The following LRP12 variants were observed in gnomAD, a reference collection of about 807,000 sequenced individuals.
LRP12 encodes the protein low-density lipoprotein receptor-related protein 12.
Under a neutral mutation model 66.0 loss-of-function variants are expected in LRP12, and 14 were observed. That is an observed-to-expected ratio of 0.21 (90% confidence interval 0.14 to 0.33). LRP12 has a LOEUF of 0.33. LRP12 is among the 10% of genes least tolerant of loss of function. The pLI is 1.00. For missense variants in LRP12, 889 were observed against 1,053.4 expected (o/e 0.84, Z 2.16); for synonymous variants, 357 against 359.1 (o/e 0.99, Z 0.07).
intron 4 of LRP12, 45 bp downstream of exon 4, chr8:104,499,272 A>C: frequency 6.8e-7 from 1 of 1,463,106 alleles, no homozygotes; most frequent in Non-Finnish European, 9.5e-7. Context: ...AGAGCAGTTA[A>C]TACCATAAAA....
At chr8:104,508,696 G>C (rs1810944539) in intron 3 of LRP12, 1 of 337,530 alleles carries the variant, frequency 3.0e-6, no homozygotes, top group Admixed American at 4.3e-5. Flanking sequence ...TTGTTAAAAA[G>C]TAGCTTAGAA....
chr8:104,511,225 G>A (rs1810991206), intron 2 of LRP12, among the ~76,000 whole-genome samples: 1 of 151,654 alleles, frequency 6.6e-6, no homozygotes, highest in African/African-American at 2.4e-5. Context: ...TGTATTTTTA[G>A]TAGAGAAGGG....
chr8:104,533,791 C>T (rs955056323), intron 1 of LRP12, among the ~76,000 whole-genome samples: 10 of 152,014 alleles, frequency 6.6e-5, no homozygotes, highest in Non-Finnish European at 1.3e-4. Flanking sequence ...GCTGGGACTA[C>T]AGGAGTGTAC....
intron 1 of LRP12, among the ~76,000 whole-genome samples, chr8:104,574,684 C>G (rs4593510): frequency 6.6e-6 from 1 of 152,026 alleles, no homozygotes; most frequent in African/African-American, 2.4e-5. Flanking sequence ...AAATTTACAA[C>G]GGATTTTGAA....
chr8:104,508,778 T>A, intron 3 of LRP12, 161 bp downstream of exon 3: 1 of 585,588 alleles, frequency 1.7e-6, no homozygotes, highest in Non-Finnish European at 2.9e-6. Context: ...AGATGGGCTG[T>A]TACTCTTACT....
At chr8:104,527,673 G>T (rs1195783522) in intron 2 of LRP12, among the ~76,000 whole-genome samples, 2 of 151,888 alleles carry the variant, frequency 1.3e-5, no homozygotes, top group Non-Finnish European at 2.9e-5. Flanking sequence ...CACACTCTGG[G>T]GACTGTTGTG....
intron 1 of LRP12, among the ~76,000 whole-genome samples, chr8:104,580,199 T>C (rs183583171): frequency 1.1e-3 from 166 of 152,006 alleles, no homozygotes; most frequent in African/African-American, 4.0e-3. Flanking sequence ...GATTCATAAT[T>C]TGCAAAATAT....
intron 2 of LRP12, among the ~76,000 whole-genome samples, chr8:104,514,223 T>C (rs1439745040): frequency 6.6e-6 from 1 of 152,112 alleles, no homozygotes; most frequent in East Asian, 1.9e-4. Flanking sequence ...CTCTGGGTCT[T>C]CCATTTTTTC....
chr8:104,552,450 A>G (rs774289318), intron 1 of LRP12, among the ~76,000 whole-genome samples: 22 of 151,256 alleles, frequency 1.5e-4, no homozygotes, highest in African/African-American at 5.1e-4. Flanking sequence ...CGGGCAGATC[A>G]TCTGAGGTTG....
intron 1 of LRP12, among the ~76,000 whole-genome samples, chr8:104,553,614 G>A (rs1292496401): frequency 2.0e-5 from 3 of 152,092 alleles, no homozygotes; most frequent in Non-Finnish European, 4.4e-5. Flanking sequence ...TTTGAGCTCG[G>A]CCACACCTAA....
intron 1 of LRP12, among the ~76,000 whole-genome samples, chr8:104,585,369 G>GC (rs1812313706): frequency 6.6e-6 from 1 of 152,138 alleles, no homozygotes; most frequent in African/African-American, 2.4e-5. Flanking sequence ...GGGATTACAG[G>GC]CATGTACCAG....
chr8:104,517,502 T>C (rs1266380685), intron 2 of LRP12, among the ~76,000 whole-genome samples: 1 of 151,904 alleles, frequency 6.6e-6, no homozygotes, highest in Non-Finnish European at 1.5e-5. Flanking sequence ...TCCAAGTATT[T>C]TGTAAAGGTT....
chr8:104,553,410 T>A (rs557946537), intron 1 of LRP12, among the ~76,000 whole-genome samples: 99 of 152,208 alleles, frequency 6.5e-4, no homozygotes, highest in African/African-American at 2.3e-3. Flanking sequence ...AGAAGCACGG[T>A]GGGAGTGAAA....
At chr8:104,562,353 TCAAA>T (rs199530920) in intron 1 of LRP12, among the ~76,000 whole-genome samples, 1,679 of 152,170 alleles carry the variant, frequency 0.011, 16 homozygotes, top group Non-Finnish European at 0.014. Flanking sequence ...TAATAAACAT[TCAAA>T]CAAAGATAAA....
In LRP12 at chr8:104,491,219, T is replaced by C. The variant is rs1810623009; in HGVS notation, c.2034A>G (p.Lys678=). The change falls in exon 7 of 7, where the codon AAA becomes AAG. Residue 678 remains lysine, a synonymous_variant. Coordinates refer to ENST00000276654, the MANE Select transcript of LRP12 (RefSeq NM_013437.5). ...CTTCTACTGCCGTTGTGGGAGGGAC[T>C]TTTTGAGGCAAAGGAGCTGCAACCC... ...SGGVAAPLPQ[K]VPPTTAVEAT... 1 of 1,613,904 alleles carries C rather than the reference T, an allele frequency of 6.2e-7. No individual in the cohort carries two copies. Among genetic ancestry groups the C allele is most frequent in the African/African-American group, 1.3e-5 (1 of 74,890 alleles).
rs1812124736 is a variant in LRP12 at position 104,574,157 on chromosome 8, TTTTG to T, written c.79+14658_79+14661del. ...GACAATGCCACTATTCTCAAAAAAT[TTTTG>T]TTTCTGTTGGAAAATATAGTTGTCA... On this transcript the variant is annotated intron_variant, in intron 1 of 6. Coordinates refer to ENST00000276654, the MANE Select transcript of LRP12 (RefSeq NM_013437.5). Among the ~76,000 whole-genome samples the T allele has an allele frequency of 4.6e-5, 7 of 152,274 alleles. No homozygotes were observed. The South Asian group carries it at 1.2e-3, about 27-fold the overall frequency.
intron 1 of LRP12, among the ~76,000 whole-genome samples, chr8:104,577,810 CAA>C (rs34298645): frequency 9.0e-5 from 10 of 111,120 alleles, no homozygotes; most frequent in African/African-American, 2.8e-4. Context: ...GACTCCATCT[CAA>C]AAAAAAAAAA....
At chr8:104,493,945 G>A (rs540480874) in intron 6 of LRP12, among the ~76,000 whole-genome samples, 2 of 152,064 alleles carry the variant, frequency 1.3e-5, no homozygotes, top group African/African-American at 4.8e-5. Flanking sequence ...AACTGTAATC[G>A]CAAGTGAGCT....
chr8:104,558,991 A>G (rs1488485827), intron 1 of LRP12, among the ~76,000 whole-genome samples: 1 of 152,128 alleles, frequency 6.6e-6, no homozygotes, highest in Non-Finnish European at 1.5e-5. Context: ...AACAGGGAAC[A>G]CTTTTACATT....
Sources: allele counts gnomAD v4.1 joint callset (sites outside exome capture counted in the v4.1 genomes callset), GRCh38; gene constraint gnomAD v4.1.1; transcripts MANE v1.5; gene names NCBI Gene and HGNC (gene_info 2026-07-23, HGNC 2026-07-21).